The following PIBF1 variants were observed in gnomAD, a reference collection of about 807,000 sequenced individuals.
PIBF1 encodes progesterone immunomodulatory binding factor 1.
Under a neutral mutation model 112.5 loss-of-function variants are expected in PIBF1, and 90 were observed. The ratio of observed to expected loss-of-function variants is 0.80; its 90% CI spans 0.67 to 0.95. The LOEUF (loss-of-function observed/expected upper bound fraction) is 0.95, where lower values mean the gene tolerates loss of function less well. Ranked by LOEUF, PIBF1 falls within the 40% of genes least tolerant of loss-of-function variation. The pLI, the probability that PIBF1 is intolerant of heterozygous loss-of-function variation, is 0.00. For synonymous variants in PIBF1, 301 were observed against 288.6 expected, an observed-to-expected ratio of 1.04 and a Z score of -0.44; for missense variants, 915 against 852.3, an observed-to-expected ratio of 1.07 and a Z score of -0.92.
intron 13 of PIBF1, among the ~76,000 whole-genome samples, chr13:72,928,021 A>T (rs2041574809): frequency 1.6e-5 from 1 of 62,026 alleles, no homozygotes; most frequent in Non-Finnish European, 3.0e-5. Flanking sequence ...ATATACATAT[A>T]TATACATATA....
intron 3 of PIBF1, among the ~76,000 whole-genome samples, chr13:72,795,117 T>G (rs898935470): frequency 1.3e-5 from 2 of 152,332 alleles, no homozygotes; most frequent in Admixed American, 1.3e-4. Flanking sequence ...CTAAAATTAT[T>G]CTTTAAGAAT....
chr13:72,949,296 CTGTCTT>C lies in PIBF1; in HGVS notation c.1834-15976_1834-15971del, dbSNP rs1162601613. On this transcript the variant is annotated intron_variant, in intron 14 of 17. Coordinates refer to ENST00000326291, the MANE Select transcript of PIBF1 (RefSeq NM_006346.4). ...ATGTAACTACTACCTAGACAAATAG[CTGTCTT>C]TTTTTTTTTTTTTTTTTTTTTTTTT... 2.3e-4 allele frequency among the ~76,000 whole-genome samples: 25 copies of C among 110,900 alleles called. 2 individuals carry two copies. Among genetic ancestry groups the C allele is most frequent in the African/African-American group, 7.3e-4 (21 of 28,730 alleles). 72.8% of individuals were successfully genotyped at this position (110,900 alleles called of 152,430 possible).
chr13:72,800,316 G>A (rs150784399), intron 5 of PIBF1, among the ~76,000 whole-genome samples: 3 of 152,338 alleles, frequency 2.0e-5, no homozygotes, highest in Non-Finnish European at 4.4e-5. Context: ...GATTACAGGC[G>A]TGAGCCACTG....
rs557107902 is a variant in PIBF1, at chr13:72,869,987, G to A, written c.1322+15832G>A. ...TTTTTTCTTTTTATTAATTTTGTTT[G>A]TAAAAATTATAATTTAATTGTATAA... On this transcript the variant is annotated intron_variant, in intron 10 of 17. Transcript: ENST00000326291. Among the ~76,000 whole-genome samples, 4 of 152,132 alleles carry A rather than the reference G, an allele frequency of 2.6e-5. No homozygotes were observed. In the South Asian group the frequency reaches 8.3e-4, roughly 32 times the overall value.
intron 10 of PIBF1, among the ~76,000 whole-genome samples, chr13:72,864,810 A>G (rs1028040464): frequency 1.3e-5 from 2 of 152,152 alleles, no homozygotes; most frequent in Non-Finnish European, 2.9e-5. Context: ...GTGTGAGTGT[A>G]TTTCTCCCAC....
In PIBF1 at chr13:72,927,988, T is replaced by C. The variant is rs1191363620; in HGVS notation, c.1731-3177T>C. 3.4e-4 allele frequency among the ~76,000 whole-genome samples: 18 copies of C among 52,504 alleles called. No individual in the cohort carries two copies. In the South Asian group the frequency reaches 7.7e-3, roughly 23 times the overall value. The allele number at this position is 52,504 out of a possible 152,430, so 34.4% of individuals were successfully genotyped here. A position where few individuals can be genotyped will look rare whatever the true frequency, so the allele number is the denominator to read the frequency against. On this transcript the variant is annotated intron_variant, in intron 13 of 17. Transcript: ENST00000326291. ...ATATATATATATATACATATATATA[T>C]ACACACACATATATATACATATATA...
intron 6 of PIBF1, 36 bp downstream of exon 6, chr13:72,822,018 A>C: frequency 6.4e-7 from 1 of 1,551,638 alleles, no homozygotes; most frequent in South Asian, 1.2e-5. Context: ...GTAGTTCTCT[A>C]TTTTTAGGGT....
At chr13:72,844,085 T>G (rs1256770508) in intron 9 of PIBF1, among the ~76,000 whole-genome samples, 1 of 152,222 alleles carries the variant, frequency 6.6e-6, no homozygotes, top group Non-Finnish European at 1.5e-5. Context: ...CTCAACACTT[T>G]ACATACGTTG....
chr13:72,919,619 G>A lies in PIBF1; in HGVS notation c.1730+2453G>A, dbSNP rs145972489. On this transcript the variant is annotated intron_variant, in intron 13 of 17. Coordinates refer to ENST00000326291, the MANE Select transcript of PIBF1 (RefSeq NM_006346.4). ...TAAAACTTGAAATTTAAAGGGAAAG[G>A]TCATATTCTTTTCTCTATTTTGGCC... 8.7e-3 allele frequency among the ~76,000 whole-genome samples: 1,322 copies of A among 152,212 alleles called. 65 individuals carry two copies. The highest frequency in any genetic ancestry group is 9.6e-3 in the East Asian group (50 of 5,184).
At chr13:72,901,629 G>A (rs1299253196) in intron 11 of PIBF1, among the ~76,000 whole-genome samples, 1 of 151,894 alleles carries the variant, frequency 6.6e-6, no homozygotes, top group Non-Finnish European at 1.5e-5. Flanking sequence ...AGGTTGCGGT[G>A]AGCAAAGATC....
intron 14 of PIBF1, 145 bp from the exon 15 acceptor site, chr13:72,965,129 A>T: frequency 1.4e-6 from 1 of 708,282 alleles, no homozygotes; most frequent in Non-Finnish European, 2.3e-6. Flanking sequence ...ATTCACTCTT[A>T]AAACCTTCAA....
intron 10 of PIBF1, among the ~76,000 whole-genome samples, chr13:72,855,644 G>T: frequency 6.6e-6 from 1 of 151,960 alleles, no homozygotes; most frequent in African/African-American, 2.4e-5. Flanking sequence ...GTGAGACTCT[G>T]TCTCAAAAAA....
intron 10 of PIBF1, among the ~76,000 whole-genome samples, chr13:72,875,701 C>T (rs959572686): frequency 3.9e-5 from 6 of 152,124 alleles, no homozygotes; most frequent in African/African-American, 1.4e-4. Flanking sequence ...TGATGCAGAG[C>T]ATCTTTTCAC....
At chr13:72,947,504 A>G (rs1169012936) in intron 14 of PIBF1, among the ~76,000 whole-genome samples, 3 of 152,184 alleles carry the variant, frequency 2.0e-5, no homozygotes, top group Non-Finnish European at 4.4e-5. Context: ...TACATAGGCA[A>G]ATTTCTGCAA....
At chr13:72,891,132 A>G (rs2040039349) in intron 10 of PIBF1, among the ~76,000 whole-genome samples, 1 of 152,140 alleles carries the variant, frequency 6.6e-6, no homozygotes. Flanking sequence ...TAAGGAAATA[A>G]TATTAGTGCC....
chr13:72,833,052 T>C (rs1418310324), intron 8 of PIBF1, among the ~76,000 whole-genome samples: 2 of 152,376 alleles, frequency 1.3e-5, no homozygotes, highest in East Asian at 3.9e-4. Flanking sequence ...TTCCACTTGA[T>C]CGATTTGGCT....
intron 8 of PIBF1, among the ~76,000 whole-genome samples, chr13:72,834,436 G>A (rs1311803915): frequency 7.2e-5 from 11 of 152,032 alleles, no homozygotes; most frequent in Admixed American, 3.3e-4. Flanking sequence ...ACCAGCCTGG[G>A]CAACATCGAA....
At chr13:72,957,136 A>G (rs2138877731) in intron 14 of PIBF1, among the ~76,000 whole-genome samples, 1 of 152,348 alleles carries the variant, frequency 6.6e-6, no homozygotes, top group Non-Finnish European at 1.5e-5. Context: ...TAGATCTACC[A>G]TTTGATCCAG....
chr13:72,859,945 T>C (rs961235075), intron 10 of PIBF1, among the ~76,000 whole-genome samples: 2 of 152,284 alleles, frequency 1.3e-5, no homozygotes, highest in South Asian at 4.1e-4. Flanking sequence ...CGTTCACATA[T>C]GAAAAAGCTG....
Sources: allele counts gnomAD v4.1 joint callset (sites outside exome capture counted in the v4.1 genomes callset), GRCh38; gene constraint gnomAD v4.1.1; transcripts MANE v1.5; gene names NCBI Gene and HGNC (gene_info 2026-07-23, HGNC 2026-07-21).